CLIC4: variants seen among roughly 807,000 people sequenced by gnomAD.
The protein encoded by CLIC4 is CLIC family member 4, also known as chloride intracellular channel protein 4.
Under a neutral mutation model 24.6 loss-of-function variants are expected in CLIC4, and 13 were observed. That is an observed-to-expected ratio of 0.53 (90% CI 0.34 to 0.84). The LOEUF is 0.84. CLIC4 is among the 40% of genes least tolerant of loss of function. The pLI, the probability that CLIC4 is intolerant of heterozygous loss-of-function variation, is 0.01. For missense variants in CLIC4, 227 were observed against 301.7 expected (o/e 0.75, Z 1.83); for synonymous variants, 104 against 111.3 (o/e 0.93, Z 0.41).
intron 4 of CLIC4, among the ~76,000 whole-genome samples, chr1:24,836,753 G>A (rs773558552): frequency 6.6e-6 from 1 of 152,148 alleles, no homozygotes; most frequent in Non-Finnish European, 1.5e-5. Context: ...TGGGAGGATC[G>A]CATGAGCCCA....
rs1639958826 is a variant in CLIC4, at chr1:24,843,096, G to A, written c.*2159G>A. 1 of 152,162 alleles carries A rather than the reference G, an allele frequency of 6.6e-6. No individual in the cohort carries two copies. Among genetic ancestry groups the A allele is most frequent in the South Asian group, 2.1e-4 (1 of 4,828 alleles). 9.4% of individuals were successfully genotyped at this position (152,162 alleles called of 1,614,324 possible). ...ATATTCTCCTGTTTTTATTAAACCA[G>A]TGATTACACCTGGCCATCCCTCTAA... is the stretch of plus-strand genomic sequence containing the variant. On this transcript the variant is annotated 3_prime_UTR_variant, in exon 6 of 6. Coordinates refer to ENST00000374379, the MANE Select transcript of CLIC4 (RefSeq NM_013943.3).
At chr1:24,795,008 T>C (rs1284651806) in intron 1 of CLIC4, among the ~76,000 whole-genome samples, 1 of 152,172 alleles carries the variant, frequency 6.6e-6, no homozygotes, top group Non-Finnish European at 1.5e-5. Context: ...TATAGGTGTG[T>C]GGCCTTATTT....
chr1:24,747,341 C>T (rs1471517490), intron 1 of CLIC4, among the ~76,000 whole-genome samples: 3 of 151,596 alleles, frequency 2.0e-5, no homozygotes, highest in Non-Finnish European at 4.4e-5. Flanking sequence ...CGAGACCATC[C>T]TGGCCAACAT....
intron 3 of CLIC4, among the ~76,000 whole-genome samples, chr1:24,816,743 A>T (rs1003594081): frequency 6.6e-6 from 1 of 152,220 alleles, no homozygotes; most frequent in Non-Finnish European, 1.5e-5. Flanking sequence ...CTCCCTGTAT[A>T]TCTCTATCAG....
chr1:24,804,307 T>C (rs950147887), intron 2 of CLIC4, among the ~76,000 whole-genome samples: 2 of 151,470 alleles, frequency 1.3e-5, no homozygotes, highest in African/African-American at 4.9e-5. Context: ...TTCAAGATAA[T>C]TGTGCTTTAT....
intron 1 of CLIC4, among the ~76,000 whole-genome samples, chr1:24,792,888 A>G (rs1639356120): frequency 6.6e-6 from 1 of 152,222 alleles, no homozygotes; most frequent in Non-Finnish European, 1.5e-5. Context: ...TCTTTTGCCC[A>G]TGCTCAAGGA....
intron 4 of CLIC4, among the ~76,000 whole-genome samples, chr1:24,838,088 A>T (rs566589145): frequency 6.6e-6 from 1 of 152,152 alleles, no homozygotes; most frequent in Non-Finnish European, 1.5e-5. Flanking sequence ...CGTAGCCCCT[A>T]AATCGGTTTC....
chr1:24,753,020 C>G (rs558038121), intron 1 of CLIC4, among the ~76,000 whole-genome samples: 2 of 152,156 alleles, frequency 1.3e-5, no homozygotes, highest in Non-Finnish European at 2.9e-5. Context: ...CGCGCCCAGC[C>G]TAATAGTATA....
At chr1:24,811,083 A>G (rs1024425758) in intron 2 of CLIC4, among the ~76,000 whole-genome samples, 3 of 46 alleles carry the variant, frequency 0.065, no homozygotes, top group East Asian at 0.5. Context: ...TGTCTCAGGA[A>G]AAAAAAAAAA....
At chr1:24,798,626 GCTCTTC>G (rs912621561) in intron 2 of CLIC4, among the ~76,000 whole-genome samples, 5 of 152,006 alleles carry the variant, frequency 3.3e-5, no homozygotes, top group Non-Finnish European at 5.9e-5. Flanking sequence ...TAGTTGTATT[GCTCTTC>G]CTCTCCCTCT....
rs1272960972 is a variant in CLIC4, at chr1:24,840,038, C to G, written c.594C>G (p.Val198=). 1 of 1,613,512 alleles carries G rather than the reference C, an allele frequency of 6.2e-7. No homozygotes were observed. Among genetic ancestry groups the G allele is most frequent in the South Asian group, 1.1e-5 (1 of 90,970 alleles). Residue 198 remains valine, a synonymous_variant, in exon 5 of 6, where the codon GTC becomes GTG. Coordinates refer to ENST00000374379, the MANE Select transcript of CLIC4 (RefSeq NM_013943.3). ...DCNLLPKLHI[V]KVVAKKYRNF... ...ACCTGCTGCCCAAACTGCATATTGTCAAGGTAGGTCTGTAGGGGTTGATGT... is the reference window on the plus strand; with the variant it reads ...ACCTGCTGCCCAAACTGCATATTGTGAAGGTAGGTCTGTAGGGGTTGATGT...
rs367564784 is a variant in CLIC4, at chr1:24,840,731, G to A, written c.598-42G>A. ...CAGAGATATGTCTAGTTTACAAGAC[G>A]TGGAAATAAGTCTGTTAACTTTTGA... On this transcript the variant is annotated intron_variant, in intron 5 of 5. Transcript: ENST00000374379. 82 of 1,511,546 alleles carry A rather than the reference G, an allele frequency of 5.4e-5. No homozygotes were observed. In the African/African-American group the frequency reaches 6.1e-4, roughly 11 times the overall value. The allele number at this position is 1,511,546 out of a possible 1,614,324, so 93.6% of individuals were successfully genotyped here. A position where few individuals can be genotyped will look rare whatever the true frequency, so the allele number is the denominator to read the frequency against.
chr1:24,812,684 A>G (rs1211071086), intron 2 of CLIC4, among the ~76,000 whole-genome samples: 2 of 152,130 alleles, frequency 1.3e-5, no homozygotes, highest in South Asian at 4.1e-4. Context: ...TCTTATTAGA[A>G]TACTATTACA....
chr1:24,747,153 C>T (rs72872456), intron 1 of CLIC4, among the ~76,000 whole-genome samples: 4,458 of 144,958 alleles, frequency 0.031, 266 homozygotes, highest in African/African-American at 0.11. Flanking sequence ...AGGTATAGAA[C>T]CCCCAAAATA....
intron 1 of CLIC4, among the ~76,000 whole-genome samples, chr1:24,789,228 T>C (rs540320754): frequency 1.3e-5 from 2 of 152,234 alleles, no homozygotes; most frequent in South Asian, 2.1e-4. Flanking sequence ...TCTCAAAATA[T>C]AGAAACAGGC....
rs544832435 is a variant in CLIC4 at position 24,794,408 on chromosome 1, A to G, written c.73-3334A>G. ...CCATTCTGGTGTGAAATGGTATCTC[A>G]CTGTGCTTTTGATTTGTTTTTCTCT... is the stretch of plus-strand genomic sequence containing the variant. On this transcript the variant is annotated intron_variant, in intron 1 of 5. Transcript: ENST00000374379. Among the ~76,000 whole-genome samples the G allele has an allele frequency of 4.8e-5, 7 of 145,864 alleles. No homozygotes were observed. The South Asian group carries it at 1.5e-3, about 32-fold the overall frequency.
intron 1 of CLIC4, among the ~76,000 whole-genome samples, chr1:24,772,842 TGAG>T (rs1639087476): frequency 6.6e-6 from 1 of 152,186 alleles, no homozygotes; most frequent in Admixed American, 6.5e-5. Flanking sequence ...TTAAAACAAA[TGAG>T]GAAGATTCAT....
chr1:24,814,217 C>T lies in CLIC4; in HGVS notation c.306C>T (p.Pro102=). Reference sequence around the variant, plus strand: ...TTCTTGAAGAAGTCTTATGCCCTCCCAAGTGAGTATCAAGGAAAATACGTA... The same window carrying T: ...TTCTTGAAGAAGTCTTATGCCCTCCTAAGTGAGTATCAAGGAAAATACGTA... ...EEFLEEVLCP[P]KYLKLSPKHP... Residue 102 remains proline, a splice_region_variant and synonymous_variant, in exon 3 of 6, where the codon CCC becomes CCT. Transcript: ENST00000374379. The T allele has an allele frequency of 6.2e-7, 1 of 1,611,348 alleles. No individual in the cohort carries two copies. The highest frequency in any genetic ancestry group is 1.1e-5 in the South Asian group (1 of 90,266).
rs923277071 is a variant in CLIC4 at position 24,842,099 on chromosome 1, G to A, written c.*1162G>A. 6.6e-6 allele frequency: 1 copy of A among 152,376 alleles called. No individual in the cohort carries two copies. Among genetic ancestry groups the A allele is most frequent in the Non-Finnish European group, 1.5e-5 (1 of 68,012 alleles). The allele number at this position is 152,376 out of a possible 1,614,324, so 9.4% of individuals were successfully genotyped here. A position where few individuals can be genotyped will look rare whatever the true frequency, so the allele number is the denominator to read the frequency against. On this transcript the variant is annotated 3_prime_UTR_variant, in exon 6 of 6. Transcript: ENST00000374379. ...TTCATTCCTTTGGGACTAAGTTATA[G>A]TTATGGTGAGTGTGTATTTACTGTA...
Sources: gnomAD v4.1 joint callset for allele counts (sites outside exome capture counted in the v4.1 genomes callset) on GRCh38, gnomAD v4.1.1 for gene constraint, MANE v1.5 for transcripts, NCBI Gene and HGNC (gene_info 2026-07-23, HGNC 2026-07-21) for gene names.